NPRL3: variants seen among roughly 807,000 people sequenced by gnomAD.
NPRL3 encodes the protein NPR3 like, GATOR1 complex subunit, also known as GATOR1 complex protein NPRL3.
NPRL3 carries 23 observed loss-of-function variants against 57.2 expected under a neutral mutation model. That is an observed-to-expected ratio of 0.40 (90% CI 0.29 to 0.57). The LOEUF (loss-of-function observed/expected upper bound fraction) is 0.57. Ranked by LOEUF, NPRL3 falls within the 20% of genes least tolerant of loss-of-function variation. The pLI is 0.42. For missense variants in NPRL3, 691 were observed against 767.1 expected, an observed-to-expected ratio of 0.90 and a Z score of 1.17; for synonymous variants, 333 against 321.1, an observed-to-expected ratio of 1.04 and a Z score of -0.39.
intron 7 of NPRL3, among the ~76,000 whole-genome samples, chr16:108,658 CTTT>C (rs373555385): frequency 8.6e-6 from 1 of 115,654 alleles, no homozygotes; most frequent in Non-Finnish European, 1.8e-5. Context: ...TTTTATTTTA[CTTT>C]TGTTTTTTAA....
chr16:97,410 A>ATTTTTTTTTTT (rs34410203), intron 9 of NPRL3, among the ~76,000 whole-genome samples: 222 of 114,940 alleles, frequency 1.9e-3, no homozygotes, highest in East Asian at 3.1e-3. Flanking sequence ...ACACCCAGCT[A>ATTTTTTTTTTT]TTTTTTTTTT....
At chr16:125,060 G>A (rs1052363632) in intron 3 of NPRL3, 2 of 148,814 alleles carry the variant, frequency 1.3e-5, no homozygotes, top group African/African-American at 5.4e-5. Context: ...TTGGGCGACA[G>A]AGTGAAACTT....
At chr16:101,767 C>T (rs1053640062) in intron 7 of NPRL3, among the ~76,000 whole-genome samples, 2 of 152,238 alleles carry the variant, frequency 1.3e-5, no homozygotes, top group African/African-American at 2.4e-5. Context: ...TCAGGTCCCG[C>T]TGTGCTCAGG....
At chr16:112,325 A>G (rs1196994598) in intron 6 of NPRL3, among the ~76,000 whole-genome samples, 1 of 152,244 alleles carries the variant, frequency 6.6e-6, no homozygotes, top group Non-Finnish European at 1.5e-5. Context: ...CCCAGGCACA[A>G]TCAGCCCCGT....
chr16:103,296 A>ATGTTTTTTTTTTTTTTTTT (rs1899380750), intron 7 of NPRL3, among the ~76,000 whole-genome samples: 1 of 42,110 alleles, frequency 2.4e-5, no homozygotes, highest in Non-Finnish European at 4.1e-5. Flanking sequence ...GCCTGGGGTG[A>ATGTTTTTTTTTTTTTTTTT]TTTTTTTTTT....
chr16:85,688 T>C lies in NPRL3; in HGVS notation c.*1017A>G. On this transcript the variant is annotated 3_prime_UTR_variant, in exon 14 of 14. Transcript: ENST00000611875. ...GGTGGGCGTCGGCCATGCAGGGGAG[T>C]GGGCCCGGAAACCCCTCCGCTTCTA... 6.4e-7 allele frequency: 1 copy of C among 1,554,126 alleles called. No individual in the cohort carries two copies. The highest frequency in any genetic ancestry group is 8.7e-7 in the Non-Finnish European group (1 of 1,147,268).
At chr16:90,021 G>GA in intron 11 of NPRL3, 119 bp from the exon 12 acceptor site, 1 of 956,394 alleles carries the variant, frequency 1.0e-6, no homozygotes, top group South Asian at 1.7e-5. Context: ...CGCACAGGCA[G>GA]AAAGGCCCTC....
chr16:105,443 C>G (rs1374321743), intron 7 of NPRL3, among the ~76,000 whole-genome samples: 1 of 152,172 alleles, frequency 6.6e-6, no homozygotes, highest in African/African-American at 2.4e-5. Context: ...GGGTTCCAAA[C>G]AGCCTACCTT....
chr16:124,777 T>C (rs1030370390), intron 3 of NPRL3, among the ~76,000 whole-genome samples: 6 of 152,026 alleles, frequency 3.9e-5, no homozygotes, highest in African/African-American at 1.4e-4. Flanking sequence ...TTAGAAACAG[T>C]TTAGGAGTTT....
Position 88,776 on chromosome 16 carries a change from C to T in NPRL3, c.1466G>A (p.Ser489Asn). The change falls in exon 13 of 14, where the codon AGC becomes AAC. Residue 489 changes from serine to asparagine, a missense_variant. Transcript: ENST00000611875. ...GGCTGCGCGTTCATGCTCCGACAGG[C>T]TGGCCAGCAGGTTCTCCGTCATCCT... The part of the protein sequence containing the change: ...NQRMTENLLA[S>N]LSEHERAAIL... 6.2e-7 allele frequency: 1 copy of T among 1,613,420 alleles called. No individual in the cohort carries two copies. Among genetic ancestry groups the T allele is most frequent in the Non-Finnish European group, 8.5e-7 (1 of 1,179,774 alleles).
At chr16:103,556 TAGG>T (rs1362076975) in intron 7 of NPRL3, among the ~76,000 whole-genome samples, 1 of 152,042 alleles carries the variant, frequency 6.6e-6, no homozygotes, top group African/African-American at 2.4e-5. Context: ...TTGCTCCATC[TAGG>T]AGCACAGTGA....
At chr16:135,292 G>A (rs1441672499) in intron 2 of NPRL3, among the ~76,000 whole-genome samples, 2 of 152,128 alleles carry the variant, frequency 1.3e-5, no homozygotes, top group Non-Finnish European at 2.9e-5. Flanking sequence ...CTTCACAAGA[G>A]CCCAGAAAAT....
chr16:106,653 AAAAAAG>A (rs1395769773), intron 7 of NPRL3, among the ~76,000 whole-genome samples: 5 of 150,610 alleles, frequency 3.3e-5, no homozygotes, highest in African/African-American at 4.9e-5. Context: ...AAAAAAAAAA[AAAAAAG>A]AACCAGGAAC....
chr16:99,959 C>CAAAAAAAA (rs11304941), intron 8 of NPRL3, among the ~76,000 whole-genome samples: 5 of 60,990 alleles, frequency 8.2e-5, no homozygotes, highest in African/African-American at 1.0e-4. Context: ...CACACCCCCG[C>CAAAAAAAA]AAAAAAAAAA....
intron 2 of NPRL3, among the ~76,000 whole-genome samples, chr16:131,735 G>T (rs895964010): frequency 6.6e-6 from 1 of 151,944 alleles, no homozygotes; most frequent in East Asian, 1.9e-4. Context: ...CTGGGGTGCT[G>T]TAGCAATTTC....
chr16:117,897 C>T (rs756585311), intron 4 of NPRL3, among the ~76,000 whole-genome samples: 9 of 152,330 alleles, frequency 5.9e-5, no homozygotes, highest in Non-Finnish European at 8.8e-5. Flanking sequence ...CCAAGGGGCA[C>T]GGGGGAACTC....
At position 96,062 on chromosome 16, in the gene NPRL3, C is replaced by T. The variant is rs563395931; in HGVS notation, c.924+2083G>A. ...GGGTACAGACAGAAGAAAACAATGA[C>T]AAACAGCCTTCCCTCTCCCCAGTCA... On this transcript the variant is annotated intron_variant, in intron 9 of 13. Coordinates refer to ENST00000611875, the MANE Select transcript of NPRL3 (RefSeq NM_001077350.3). Among the ~76,000 whole-genome samples the T allele has an allele frequency of 3.3e-5, 5 of 152,302 alleles. No individual in the cohort carries two copies. In the South Asian group the frequency reaches 1.0e-3, roughly 32 times the overall value.
At chr16:112,582 C>G in intron 6 of NPRL3, 40 bp downstream of exon 6, 1 of 1,461,838 alleles carries the variant, frequency 6.8e-7, no homozygotes, top group Non-Finnish European at 9.1e-7. Flanking sequence ...AGGCCACCAG[C>G]CAGCCCAGAC....
chr16:99,869 G>C (rs1216706039), intron 8 of NPRL3, among the ~76,000 whole-genome samples: 1 of 146,536 alleles, frequency 6.8e-6, no homozygotes, highest in African/African-American at 2.5e-5. Context: ...GGAGGTGGAC[G>C]TAGTGGTGAG....
Sources: gnomAD v4.1 joint callset for allele counts (sites outside exome capture counted in the v4.1 genomes callset) on GRCh38, gnomAD v4.1.1 for gene constraint, MANE v1.5 for transcripts, NCBI Gene and HGNC (gene_info 2026-07-23, HGNC 2026-07-21) for gene names.